LIPC: variants seen among roughly 807,000 people sequenced by gnomAD.
LIPC encodes hepatic triacylglycerol lipase.
LIPC carries 44 observed loss-of-function variants against 50.7 expected under a neutral mutation model. The ratio of observed to expected loss-of-function variants is 0.87; its 90% CI spans 0.68 to 1.11. The LOEUF (loss-of-function observed/expected upper bound fraction) is 1.11. Among genes scored for constraint, LIPC ranks in the 50% most tolerant of loss-of-function variants. The pLI, the probability that LIPC is intolerant of heterozygous loss-of-function variation, is 0.00. For synonymous variants in LIPC, 271 were observed against 256.4 expected (o/e 1.06, Z -0.54); for missense variants, 697 against 648.2 (o/e 1.08, Z -0.82).
At chr15:58,455,347 C>A (rs1190459193) in intron 1 of LIPC, among the ~76,000 whole-genome samples, 1 of 152,170 alleles carries the variant, frequency 6.6e-6, no homozygotes, top group African/African-American at 2.4e-5. Context: ...TGGCTGTGTT[C>A]CAATAAACCT....
chr15:58,463,942 GAT>G (rs1362049554), intron 1 of LIPC, among the ~76,000 whole-genome samples: 1 of 152,098 alleles, frequency 6.6e-6, no homozygotes, highest in Non-Finnish European at 1.5e-5. Context: ...CCTTTTAACA[GAT>G]AGTTACATTG....
At chr15:58,539,834 T>G (rs932076513) in intron 2 of LIPC, among the ~76,000 whole-genome samples, 1 of 152,124 alleles carries the variant, frequency 6.6e-6, no homozygotes, top group Admixed American at 6.6e-5. Context: ...GTGTTCTTTC[T>G]CCTCCTCTTT....
At chr15:58,540,583 G>A (rs1423624529) in intron 2 of LIPC, among the ~76,000 whole-genome samples, 1 of 152,128 alleles carries the variant, frequency 6.6e-6, no homozygotes, top group African/African-American at 2.4e-5. Flanking sequence ...ACCCTGGAAT[G>A]GCATGACAGG....
intron 5 of LIPC, among the ~76,000 whole-genome samples, chr15:58,547,414 T>C (rs1242955909): frequency 2.0e-5 from 3 of 152,138 alleles, no homozygotes; most frequent in Non-Finnish European, 4.4e-5. Context: ...GCACGCAGCA[T>C]ACACAGCCTC....
intron 1 of LIPC, among the ~76,000 whole-genome samples, chr15:58,466,464 C>T (rs1894568121): frequency 6.6e-6 from 1 of 152,208 alleles, no homozygotes; most frequent in Non-Finnish European, 1.5e-5. Flanking sequence ...GTTTTCTCAT[C>T]TTATAAAATT....
intron 1 of LIPC, among the ~76,000 whole-genome samples, chr15:58,526,836 G>A (rs1053923536): frequency 6.6e-6 from 1 of 152,154 alleles, no homozygotes; most frequent in Non-Finnish European, 1.5e-5. Context: ...CACACAAGAC[G>A]GTCTTCCTAT....
intron 5 of LIPC, 86 bp from the exon 6 acceptor site, chr15:58,548,244 C>A: frequency 6.3e-7 from 1 of 1,592,148 alleles, no homozygotes; most frequent in Non-Finnish European, 8.6e-7. Context: ...TGCTAACCTC[C>A]TGTGGGATGA....
At chr15:58,566,261 T>A (rs1289784010) in intron 8 of LIPC, 1 of 985,300 alleles carries the variant, frequency 1.0e-6, no homozygotes, top group Admixed American at 6.1e-5. Flanking sequence ...CAACATGCTT[T>A]GAGGAGGCCA....
At chr15:58,527,014 C>A (rs1480733207) in intron 1 of LIPC, among the ~76,000 whole-genome samples, 1 of 152,190 alleles carries the variant, frequency 6.6e-6, no homozygotes, top group Admixed American at 6.5e-5. Context: ...CTCCCTATGG[C>A]AACCTGGAAA....
At chr15:58,440,819 A>G (rs886350516) in intron 1 of LIPC, among the ~76,000 whole-genome samples, 14 of 149,758 alleles carry the variant, frequency 9.3e-5, no homozygotes, top group African/African-American at 3.3e-4. Context: ...AAGCAGAGGG[A>G]AAAAAAACAT....
intron 1 of LIPC, among the ~76,000 whole-genome samples, chr15:58,444,008 C>G (rs1329254650): frequency 6.6e-6 from 1 of 152,210 alleles, no homozygotes; most frequent in Non-Finnish European, 1.5e-5. Flanking sequence ...GCTATTTTCA[C>G]TTCTTTTGTG....
At chr15:58,557,446 G>A (rs560790349) in intron 6 of LIPC, among the ~76,000 whole-genome samples, 29 of 127,762 alleles carry the variant, frequency 2.3e-4, no homozygotes, top group African/African-American at 3.6e-4. Context: ...GCGCAGTGGC[G>A]CGATCTCAGC....
intron 1 of LIPC, chr15:58,436,898 T>C (rs1286298196): frequency 2.2e-6 from 1 of 453,962 alleles, no homozygotes; most frequent in African/African-American, 2.0e-5. Context: ...CCAAATACCT[T>C]TCAAAAAAGA....
chr15:58,483,343 A>C (rs539159378), intron 1 of LIPC, among the ~76,000 whole-genome samples: 1 of 152,296 alleles, frequency 6.6e-6, no homozygotes, highest in Non-Finnish European at 1.5e-5. Context: ...GGGGAGAGCT[A>C]TTCTAAGGTT....
At chr15:58,473,401 C>A (rs1256444155) in intron 1 of LIPC, among the ~76,000 whole-genome samples, 1 of 152,118 alleles carries the variant, frequency 6.6e-6, no homozygotes. Context: ...CAATGGGAGG[C>A]CAGTGGAACA....
chr15:58,548,190 GGGT>G, intron 5 of LIPC, 137 bp from the exon 6 acceptor site: 5 of 1,035,786 alleles, frequency 4.8e-6, no homozygotes, highest in Non-Finnish European at 7.6e-6. Context: ...TCTTGTCAAG[GGGT>G]CTGCCTTGAC....
At chr15:58,512,110 T>C (rs1215026556) in intron 1 of LIPC, among the ~76,000 whole-genome samples, 9 of 151,926 alleles carry the variant, frequency 5.9e-5, no homozygotes, top group African/African-American at 2.2e-4. Flanking sequence ...TTTCTTTTTT[T>C]TTTTTGAGAC....
chr15:58,553,019 C>T (rs1955407668), intron 6 of LIPC, among the ~76,000 whole-genome samples: 1 of 152,110 alleles, frequency 6.6e-6, no homozygotes, highest in African/African-American at 2.4e-5. Flanking sequence ...ATTTTTTCAT[C>T]GCCATCTTAT....
At chr15:58,552,098 GTAAA>G (rs1319773339) in intron 6 of LIPC, among the ~76,000 whole-genome samples, 1 of 152,232 alleles carries the variant, frequency 6.6e-6, no homozygotes, top group Non-Finnish European at 1.5e-5. Flanking sequence ...TCTGTACGGA[GTAAA>G]TCCTGTTTCG....
Sources: gnomAD v4.1 joint callset for allele counts (sites outside exome capture counted in the v4.1 genomes callset) on GRCh38, gnomAD v4.1.1 for gene constraint, MANE v1.5 for transcripts, NCBI Gene and HGNC (gene_info 2026-07-23, HGNC 2026-07-21) for gene names.